CCDC69: variants seen among roughly 807,000 people sequenced by gnomAD.
CCDC69 encodes coiled-coil domain containing 69, also known as coiled-coil domain-containing protein 69.
Under a neutral mutation model 40.3 loss-of-function variants are expected in CCDC69, and 38 were observed. That is an observed-to-expected ratio of 0.94 (90% confidence interval 0.73 to 1.24). CCDC69 has a LOEUF of 1.24. CCDC69 is among the 50% of genes most tolerant of loss of function. The pLI, the probability that CCDC69 is intolerant of heterozygous loss-of-function variation, is 0.00. For synonymous variants in CCDC69, 141 were observed against 138.9 expected (o/e 1.02, Z -0.11); for missense variants, 389 against 357.9 (o/e 1.09, Z -0.70).
intron 2 of CCDC69, 90 bp from the exon 3 acceptor site, chr5:151,201,778 G>A (rs769892410): frequency 5.3e-6 from 4 of 747,724 alleles, no homozygotes; most frequent in Admixed American, 5.3e-5. Context: ...GGGAAATGGG[G>A]CTAAGGGATG....
At chr5:151,213,726 G>C (rs1266897610) in intron 1 of CCDC69, among the ~76,000 whole-genome samples, 4 of 152,230 alleles carry the variant, frequency 2.6e-5, no homozygotes, top group Non-Finnish European at 1.5e-5. Context: ...CTCTTTGGGA[G>C]CCATCACTCC....
Position 151,185,613 on chromosome 5 carries a change from T to C in CCDC69, c.496-72A>G, listed in dbSNP as rs1752496570. On this transcript the variant is annotated intron_variant, in intron 6 of 8. Transcript: ENST00000355417. ...TCCTCCCCATTCTGCCAGCAACTCA[T>C]TGTTGGACTTTCACAAGTCACCCAC... 3.9e-6 allele frequency: 6 copies of C among 1,533,884 alleles called. No individual in the cohort carries two copies. In the South Asian group the frequency reaches 4.7e-5, roughly 12 times the overall value.
chr5:151,217,632 T>C (rs184070350), intron 1 of CCDC69, among the ~76,000 whole-genome samples: 1 of 152,240 alleles, frequency 6.6e-6, no homozygotes, highest in East Asian at 1.9e-4. Context: ...TCCTGGTGGG[T>C]GCTGGCAATC....
intron 2 of CCDC69, among the ~76,000 whole-genome samples, chr5:151,202,214 A>T (rs1752785408): frequency 7.9e-6 from 1 of 126,572 alleles, no homozygotes; most frequent in African/African-American, 3.0e-5. Flanking sequence ...AAAAAAAAAA[A>T]GCTGGGCATG....
chr5:151,209,487 C>A (rs1416558939), intron 1 of CCDC69, among the ~76,000 whole-genome samples: 1 of 152,220 alleles, frequency 6.6e-6, no homozygotes, highest in Non-Finnish European at 1.5e-5. Flanking sequence ...GAGTCCCCAG[C>A]TCTTGACAAA....
chr5:151,191,305 C>T (rs1161058238), intron 4 of CCDC69, among the ~76,000 whole-genome samples: 1 of 152,168 alleles, frequency 6.6e-6, no homozygotes, highest in Non-Finnish European at 1.5e-5. Flanking sequence ...CACTCCTCAG[C>T]ATTCCACATA....
intron 1 of CCDC69, among the ~76,000 whole-genome samples, chr5:151,217,516 T>C (rs913641084): frequency 1.3e-5 from 2 of 152,214 alleles, no homozygotes; most frequent in African/African-American, 4.8e-5. Context: ...AACAGAAATG[T>C]ATTCTCTCAC....
At chr5:151,212,935 G>A (rs747511133) in intron 1 of CCDC69, 3 of 455,258 alleles carry the variant, frequency 6.6e-6, no homozygotes, top group African/African-American at 4.0e-5. Context: ...GGAAGTGAGC[G>A]CTCCATCATT....
intron 1 of CCDC69, among the ~76,000 whole-genome samples, chr5:151,207,107 T>C (rs1184453318): frequency 6.6e-6 from 1 of 151,682 alleles, no homozygotes; most frequent in Non-Finnish European, 1.5e-5. Context: ...TTAGTAGAGA[T>C]GGGGTTTCGC....
intron 2 of CCDC69, among the ~76,000 whole-genome samples, chr5:151,205,124 T>C (rs1752834699): frequency 6.6e-6 from 1 of 151,928 alleles, no homozygotes; most frequent in Non-Finnish European, 1.5e-5. Flanking sequence ...AGTCTGATCT[T>C]GTTCCATTGT....
intron 1 of CCDC69, among the ~76,000 whole-genome samples, chr5:151,205,716 G>C (rs1341714116): frequency 1.3e-5 from 2 of 152,126 alleles, no homozygotes; most frequent in African/African-American, 4.8e-5. Flanking sequence ...GTTTGACACT[G>C]CTTGACCTGT....
At chr5:151,189,335 G>A (rs571285249) in intron 4 of CCDC69, among the ~76,000 whole-genome samples, 1 of 151,958 alleles carries the variant, frequency 6.6e-6, no homozygotes, top group Non-Finnish European at 1.5e-5. Context: ...AGTATAATAA[G>A]TGAAATAAAA....
intron 1 of CCDC69, among the ~76,000 whole-genome samples, chr5:151,208,120 G>A (rs948443015): frequency 4.6e-5 from 7 of 151,896 alleles, no homozygotes; most frequent in African/African-American, 9.7e-5. Context: ...GTGTGGTGGC[G>A]CACACCTGTA....
chr5:151,223,432 T>C (rs949261547), intron 1 of CCDC69, among the ~76,000 whole-genome samples: 6 of 152,282 alleles, frequency 3.9e-5, no homozygotes, highest in Non-Finnish European at 1.5e-5. Context: ...AGCTTCTGTC[T>C]TGGCAAGACT....
intron 4 of CCDC69, 47 bp from the exon 5 acceptor site, chr5:151,187,506 A>G (rs755871464): frequency 6.8e-7 from 1 of 1,474,542 alleles, no homozygotes; most frequent in Non-Finnish European, 9.2e-7. Context: ...TTCTCCCCAA[A>G]GCCTTCTGCA....
At chr5:151,189,175 A>G (rs977822826) in intron 4 of CCDC69, among the ~76,000 whole-genome samples, 5 of 152,260 alleles carry the variant, frequency 3.3e-5, no homozygotes, top group Non-Finnish European at 5.9e-5. Flanking sequence ...GACTCCAAGA[A>G]GTATGGGTGT....
At chr5:151,183,696 T>G (rs2113983137) in intron 8 of CCDC69, 82 bp from the exon 9 acceptor site, 1 of 1,290,574 alleles carries the variant, frequency 7.7e-7, no homozygotes, top group African/African-American at 1.5e-5. Context: ...GAAGCCTTCC[T>G]TAGATGGACC....
chr5:151,193,909 T>A (rs1199571085), intron 4 of CCDC69, among the ~76,000 whole-genome samples: 1 of 152,180 alleles, frequency 6.6e-6, no homozygotes, highest in Non-Finnish European at 1.5e-5. Context: ...GCAAGTTAAT[T>A]TAAATGGGAA....
chr5:151,199,100 C>A lies in CCDC69; in HGVS notation c.232-16G>T. On this transcript the variant is annotated splice_polypyrimidine_tract_variant and intron_variant, in intron 3 of 8. Transcript: ENST00000355417. ...CCTTCTCCACCTGGGGGCAGAGAGT[C>A]CCGGGCAGGACTGAGATTGAGCAGG... 6.2e-7 allele frequency: 1 copy of A among 1,605,386 alleles called. No individual in the cohort carries two copies. Among genetic ancestry groups the A allele is most frequent in the South Asian group, 1.1e-5 (1 of 90,888 alleles).
Sources: allele counts gnomAD v4.1 joint callset (sites outside exome capture counted in the v4.1 genomes callset), GRCh38; gene constraint gnomAD v4.1.1; transcripts MANE v1.5; gene names NCBI Gene and HGNC (gene_info 2026-07-23, HGNC 2026-07-21).